The following TDRD3 variants were observed in gnomAD, a reference collection of about 807,000 sequenced individuals.
TDRD3 encodes the protein tudor domain-containing protein 3.
A neutral mutation model predicts 86.7 loss-of-function variants in TDRD3; 45 were observed. The observed-to-expected ratio is 0.52, with a 90% CI of 0.41 to 0.67. TDRD3 has a LOEUF of 0.67. Ranked by LOEUF, TDRD3 falls within the 30% of genes least tolerant of loss-of-function variation. The pLI is 0.00. For missense variants in TDRD3, 814 were observed against 889.0 expected (o/e 0.92, Z 1.07); for synonymous variants, 298 against 301.7 (o/e 0.99, Z 0.13).
chr13:60,542,738 T>C (rs1226088184), intron 12 of TDRD3, among the ~76,000 whole-genome samples: 3 of 152,228 alleles, frequency 2.0e-5, no homozygotes, highest in Non-Finnish European at 2.9e-5. Context: ...CTCTTTAGTC[T>C]TACTTTTATC....
intron 1 of TDRD3, among the ~76,000 whole-genome samples, chr13:60,398,250 C>T (rs1349739697): frequency 6.6e-6 from 1 of 152,188 alleles, no homozygotes; most frequent in African/African-American, 2.4e-5. Context: ...AAAAGATTTG[C>T]AACGGCTCTC....
rs1955211061 is a variant in TDRD3, at chr13:60,439,755, A to G, written c.109A>G (p.Ile37Val). ...AGACAAAGTCAATGTAAATGACATC[A>G]TCCTGATTGCTCTCAATGTAGGTTA... ...SPDKVNVNDI[I>V]LIALNTDLRT... Residue 37 changes from isoleucine (I) to valine (V), a missense_variant, in exon 2 of 14, where the codon ATC becomes GTC. Transcript: ENST00000377881. The G allele has an allele frequency of 6.5e-7, 1 of 1,541,206 alleles. No individual in the cohort carries two copies. Among genetic ancestry groups the G allele is most frequent in the East Asian group, 2.5e-5 (1 of 40,584 alleles).
At chr13:60,412,984 C>T (rs900610656) in intron 1 of TDRD3, among the ~76,000 whole-genome samples, 11 of 151,400 alleles carry the variant, frequency 7.3e-5, no homozygotes, top group African/African-American at 2.7e-4. Context: ...TTGTTATTTT[C>T]AACTTGCTTT....
At chr13:60,471,109 A>G (rs752864374) in intron 5 of TDRD3, among the ~76,000 whole-genome samples, 5 of 151,998 alleles carry the variant, frequency 3.3e-5, no homozygotes, top group Non-Finnish European at 7.4e-5. Flanking sequence ...TTCCCATCCC[A>G]TGTGTTGCCT....
chr13:60,456,610 A>ATT (rs142331195), intron 3 of TDRD3, among the ~76,000 whole-genome samples: 2 of 151,756 alleles, frequency 1.3e-5, no homozygotes, highest in Non-Finnish European at 2.9e-5. Context: ...TGAAATTGGT[A>ATT]TTTTTTTTAC....
intron 1 of TDRD3, among the ~76,000 whole-genome samples, chr13:60,401,575 A>C (rs1954103827): frequency 6.6e-6 from 1 of 152,258 alleles, no homozygotes; most frequent in South Asian, 2.1e-4. Flanking sequence ...CCTTTAAGGT[A>C]GCATATGAAA....
intron 12 of TDRD3, among the ~76,000 whole-genome samples, chr13:60,544,443 T>TAAAAAA (rs34582725): frequency 1.5e-5 from 2 of 130,456 alleles, no homozygotes; most frequent in Non-Finnish European, 3.2e-5. Flanking sequence ...CATATCTCTT[T>TAAAAAA]AAAAAAAAAA....
At chr13:60,483,735 T>A (rs755613802) in intron 5 of TDRD3, 40 bp from the exon 6 acceptor site, 40 of 1,545,156 alleles carry the variant, frequency 2.6e-5, no homozygotes, top group Non-Finnish European at 3.5e-5. Flanking sequence ...ATATATTTTT[T>A]ATGTATAACT....
In TDRD3 at chr13:60,548,785, A is replaced by G. The variant is rs913036496; in HGVS notation, c.2118+13552A>G. Among the ~76,000 whole-genome samples, 11 of 152,294 alleles carry G rather than the reference A, an allele frequency of 7.2e-5. No homozygotes were observed. The East Asian group carries it at 1.9e-3, about 27-fold the overall frequency. ...TGCAGTGATATGGGTACTCTTATACATTGCTGATGGTGCTGAAAATTAGTA... is the reference window on the plus strand; with the variant it reads ...TGCAGTGATATGGGTACTCTTATACGTTGCTGATGGTGCTGAAAATTAGTA... On this transcript the variant is annotated intron_variant, in intron 12 of 13. Coordinates refer to ENST00000377881, the MANE Select transcript of TDRD3 (RefSeq NM_001146070.2).
intron 1 of TDRD3, among the ~76,000 whole-genome samples, chr13:60,431,778 G>GA (rs1207502823): frequency 7.0e-6 from 1 of 143,290 alleles, no homozygotes; most frequent in East Asian, 2.1e-4. Context: ...ACTAAAAACT[G>GA]AAAAAATAAT....
intron 8 of TDRD3, among the ~76,000 whole-genome samples, chr13:60,506,885 T>C (rs879601258): frequency 6.6e-6 from 1 of 152,104 alleles, no homozygotes; most frequent in Non-Finnish European, 1.5e-5. Flanking sequence ...GGGCTAAATG[T>C]CCCTATTAAA....
intron 12 of TDRD3, among the ~76,000 whole-genome samples, chr13:60,554,522 T>A (rs1354819254): frequency 6.6e-6 from 1 of 152,148 alleles, no homozygotes; most frequent in Non-Finnish European, 1.5e-5. Flanking sequence ...CAATTTACAC[T>A]GGGGGCAGGG....
intron 12 of TDRD3, among the ~76,000 whole-genome samples, chr13:60,548,938 T>C (rs949688209): frequency 6.6e-6 from 1 of 152,152 alleles, no homozygotes; most frequent in African/African-American, 2.4e-5. Flanking sequence ...GAGATTATCA[T>C]TGTAGGATTA....
At chr13:60,449,501 C>A (rs1955485569) in intron 3 of TDRD3, among the ~76,000 whole-genome samples, 1 of 152,060 alleles carries the variant, frequency 6.6e-6, no homozygotes. Context: ...TCAAATGATA[C>A]ACTGGGAAAA....
intron 10 of TDRD3, 26 bp downstream of exon 10, chr13:60,510,781 T>C (rs1479134347): frequency 1.3e-6 from 2 of 1,510,482 alleles, no homozygotes; most frequent in Non-Finnish European, 1.8e-6. Context: ...GTTGATTCCT[T>C]TTTTTTTCTT....
chr13:60,483,959 G>T, intron 6 of TDRD3, 113 bp downstream of exon 6: 1 of 998,962 alleles, frequency 1.0e-6, no homozygotes, highest in Non-Finnish European at 1.4e-6. Flanking sequence ...GGAGTTATTT[G>T]GAAATATGAA....
At chr13:60,406,965 A>G (rs2137812723) in intron 1 of TDRD3, among the ~76,000 whole-genome samples, 1 of 152,330 alleles carries the variant, frequency 6.6e-6, no homozygotes, top group East Asian at 1.9e-4. Context: ...TAAATTTCTA[A>G]GTGGGACCAT....
rs189998758 is a variant in TDRD3, at chr13:60,436,859, A to G, written c.42-2829A>G. Reference sequence around the variant, plus strand: ...TATTTTTATTCTTCTGAAAACTTGAATATCTAATAATTAGTTGATATTAGT... The same window carrying G: ...TATTTTTATTCTTCTGAAAACTTGAGTATCTAATAATTAGTTGATATTAGT... On this transcript the variant is annotated intron_variant, in intron 1 of 13. Transcript: ENST00000377881. Among the ~76,000 whole-genome samples the G allele has an allele frequency of 2.0e-5, 3 of 152,298 alleles. No individual in the cohort carries two copies. The East Asian group carries it at 5.8e-4, about 29-fold the overall frequency.
Position 60,415,660 on chromosome 13 carries a change from A to T in TDRD3, c.41+18255A>T, listed in dbSNP as rs114776385. On this transcript the variant is annotated intron_variant, in intron 1 of 13. Coordinates refer to ENST00000377881, the MANE Select transcript of TDRD3 (RefSeq NM_001146070.2). Reference sequence around the variant, plus strand: ...AACATGATTAATATCAAATTGTAAGATGTATGCAAATAAAATTGCTTTCTT... The same window carrying T: ...AACATGATTAATATCAAATTGTAAGTTGTATGCAAATAAAATTGCTTTCTT... Among the ~76,000 whole-genome samples, 1,080 of 152,276 alleles carry T rather than the reference A, an allele frequency of 7.1e-3. 17 individuals are homozygous for T. Among genetic ancestry groups the T allele is most frequent in the African/African-American group, 0.025 (1,027 of 41,562 alleles).
Sources: allele counts gnomAD v4.1 joint callset (sites outside exome capture counted in the v4.1 genomes callset), GRCh38; gene constraint gnomAD v4.1.1; transcripts MANE v1.5; gene names NCBI Gene and HGNC (gene_info 2026-07-23, HGNC 2026-07-21).